The following RPA1 variants were observed in gnomAD, a reference collection of about 807,000 sequenced individuals.
The protein encoded by RPA1 is replication protein A1, also known as replication protein A 70 kDa DNA-binding subunit.
A neutral mutation model predicts 83.0 loss-of-function variants in RPA1; 49 were observed. The ratio of observed to expected loss-of-function variants is 0.59; its 90% CI spans 0.47 to 0.75. The LOEUF (loss-of-function observed/expected upper bound fraction) is 0.75. RPA1 is among the 30% of genes least tolerant of loss of function. RPA1 has a pLI of 0.00. For missense variants in RPA1, 693 were observed against 776.1 expected (o/e 0.89, Z 1.27); for synonymous variants, 279 against 281.8 (o/e 0.99, Z 0.10).
intron 12 of RPA1, among the ~76,000 whole-genome samples, chr17:1,881,508 A>G (rs1487717568): frequency 6.6e-6 from 1 of 152,188 alleles, no homozygotes; most frequent in Non-Finnish European, 1.5e-5. Context: ...TCACTGAGCC[A>G]TCCTCATGAG....
In RPA1 at chr17:1,840,313, T is replaced by C. The variant is rs143280366; in HGVS notation, c.34-2490T>C. Reference sequence around the variant, plus strand: ...CCTGGCTAATTTTTTTTGAGATGGATTCTTTCTGTGCTGCCCAGGTTGGAG... The same window carrying C: ...CCTGGCTAATTTTTTTTGAGATGGACTCTTTCTGTGCTGCCCAGGTTGGAG... On this transcript the variant is annotated intron_variant, in intron 1 of 16. Transcript: ENST00000254719. 6.0e-3 allele frequency among the ~76,000 whole-genome samples: 912 copies of C among 151,668 alleles called. 11 individuals are homozygous for C. The highest frequency in any genetic ancestry group is 0.021 in the African/African-American group (870 of 41,352).
rs567554798 is a variant in RPA1 at position 1,853,980 on chromosome 17, G to A, written c.361+791G>A. Among the ~76,000 whole-genome samples, 14 of 152,218 alleles carry A rather than the reference G, an allele frequency of 9.2e-5. 1 individual carries two copies. In the South Asian group the frequency reaches 2.3e-3, roughly 25 times the overall value. ...TTCTAGTGCCTAACTTGAGGCTGGC[G>A]TTTAGTAAGTATTTGTTGAAACAAG... On this transcript the variant is annotated intron_variant, in intron 5 of 16. Transcript: ENST00000254719.
chr17:1,845,268 C>A (rs1912215446), intron 4 of RPA1, among the ~76,000 whole-genome samples: 1 of 151,550 alleles, frequency 6.6e-6, no homozygotes, highest in Non-Finnish European at 1.5e-5. Context: ...TGTGGTGGCT[C>A]ATGCCTGTAA....
Position 1,884,038 on chromosome 17 carries a change from C to T in RPA1, c.1374+94C>T, listed in dbSNP as rs1434349417. 15 of 1,544,072 alleles carry T rather than the reference C, an allele frequency of 9.7e-6. No homozygotes were observed. Among genetic ancestry groups the T allele is most frequent in the East Asian group, 2.3e-5 (1 of 44,142 alleles). ...GGTTTCCAGCACCAGCTGTCAGAGC[C>T]GTAATTCTTACCCGGGGCTGTGACC... On this transcript the variant is annotated intron_variant, in intron 13 of 16. Coordinates refer to ENST00000254719, the MANE Select transcript of RPA1 (RefSeq NM_002945.5). This position sits in a 1 kb window ranked among gnomAD's most constrained non-coding sequence, Gnocchi z 4.1.
chr17:1,856,169 C>CA, intron 5 of RPA1, among the ~76,000 whole-genome samples: 1 of 151,982 alleles, frequency 6.6e-6, no homozygotes, highest in South Asian at 2.1e-4. Flanking sequence ...ACCAAAAATA[C>CA]AAAAAATTAG....
chr17:1,890,620 G>A (rs17292364), intron 14 of RPA1, among the ~76,000 whole-genome samples: 13 of 152,090 alleles, frequency 8.5e-5, no homozygotes, highest in Admixed American at 3.3e-4. Context: ...CCACGATCGC[G>A]CCACTGCATT....
intron 5 of RPA1, among the ~76,000 whole-genome samples, chr17:1,865,479 C>G (rs1260942067): frequency 6.6e-6 from 1 of 152,178 alleles, no homozygotes; most frequent in Non-Finnish European, 1.5e-5. Context: ...GATAATCAGA[C>G]ATCTGTTTTC....
chr17:1,879,091 C>T, intron 9 of RPA1, 30 bp downstream of exon 9: 1 of 1,613,538 alleles, frequency 6.2e-7, no homozygotes, highest in Non-Finnish European at 8.5e-7. Flanking sequence ...AGAACTGACA[C>T]CGCCTGGGGG....
In RPA1 at chr17:1,891,873, G is replaced by A. The variant is rs1397437015; in HGVS notation, c.1592G>A (p.Cys531Tyr). The A allele has an allele frequency of 6.2e-7, 1 of 1,606,900 alleles. No homozygotes were observed. Among genetic ancestry groups the A allele is most frequent in the Non-Finnish European group, 8.5e-7 (1 of 1,174,400 alleles). Residue 531 changes from cysteine (C) to tyrosine (Y), a missense_variant, in exon 15 of 17, where the codon TGT (cysteine) becomes TAT (tyrosine). Coordinates refer to ENST00000254719, the MANE Select transcript of RPA1 (RefSeq NM_002945.5). ...ADFQENQWVTCFQESAEAILG... is the reference protein window; with the variant it reads ...ADFQENQWVTYFQESAEAILG... ...TTTCAAGAGAATCAGTGGGTGACTT[G>A]TTTCCAGGAGTCTGCTGAAGCTATC...
Position 1,853,205 on chromosome 17 carries a change from G to A in RPA1, c.361+16G>A, listed in dbSNP as rs531208980. 29 of 1,591,106 alleles carry A rather than the reference G, an allele frequency of 1.8e-5. No individual in the cohort carries two copies. The highest frequency in any genetic ancestry group is 1.6e-4 in the African/African-American group (12 of 74,578). ...TATAATGAAGGTAAAATGCTTTGGC[G>A]TAGGTTGTAGCACTCAAATGAATAC... On this transcript the variant is annotated intron_variant, in intron 5 of 16. Coordinates refer to ENST00000254719, the MANE Select transcript of RPA1 (RefSeq NM_002945.5).
At chr17:1,843,601 T>TATTATTATTATTATTATA (rs1912140661) in intron 2 of RPA1, among the ~76,000 whole-genome samples, 1 of 88,286 alleles carries the variant, frequency 1.1e-5, no homozygotes, top group Non-Finnish European at 2.2e-5. Context: ...GGTGCTTCAT[T>TATTATTATTATTATTATA]ATTATTATTA....
intron 15 of RPA1, among the ~76,000 whole-genome samples, chr17:1,894,022 G>A (rs1597462984): frequency 7.4e-6 from 1 of 135,000 alleles, no homozygotes; most frequent in Admixed American, 8.0e-5. Flanking sequence ...CACCATACCT[G>A]GCTTAAGTTT....
intron 12 of RPA1, among the ~76,000 whole-genome samples, chr17:1,882,186 T>C (rs138655659): frequency 2.0e-5 from 3 of 152,310 alleles, no homozygotes; most frequent in Admixed American, 6.5e-5. Context: ...CCGAGCCACT[T>C]TCTCCTTGGC....
At chr17:1,869,405 G>C (rs1164929803) in intron 5 of RPA1, among the ~76,000 whole-genome samples, 1 of 152,118 alleles carries the variant, frequency 6.6e-6, no homozygotes, top group African/African-American at 2.4e-5. Context: ...GGGTGTGGTG[G>C]CCAGCGCCTG....
intron 1 of RPA1, 96 bp downstream of exon 1, chr17:1,830,222 G>A: frequency 3.0e-6 from 3 of 1,007,730 alleles, no homozygotes; most frequent in Non-Finnish European, 3.8e-6. Context: ...GGGCGACGGG[G>A]GATGAACGCG....
chr17:1,831,734 G>A (rs1200610934), intron 1 of RPA1, among the ~76,000 whole-genome samples: 5 of 150,818 alleles, frequency 3.3e-5, no homozygotes, highest in Non-Finnish European at 7.4e-5. Flanking sequence ...GAATAGCTGG[G>A]ACTACAGGTA....
chr17:1,884,984 T>A lies in RPA1; in HGVS notation c.1374+1040T>A, dbSNP rs911798983. The stretch of plus-strand genomic sequence containing the variant: ...GCGTGTCTTTGGCAGTTTCTTAAAA[T>A]AAGACAGCAGTGAAGTGTGCCACAT... On this transcript the variant is annotated intron_variant, in intron 13 of 16. Coordinates refer to ENST00000254719, the MANE Select transcript of RPA1 (RefSeq NM_002945.5). The surrounding 1 kb of genome is among the most constrained non-coding windows in gnomAD (Gnocchi z 4.1). Among the ~76,000 whole-genome samples, 4 of 152,212 alleles carry A rather than the reference T, an allele frequency of 2.6e-5. No homozygotes were observed. The highest frequency in any genetic ancestry group is 7.2e-5 in the African/African-American group (3 of 41,446).
intron 1 of RPA1, among the ~76,000 whole-genome samples, chr17:1,839,756 C>T (rs1911970663): frequency 6.6e-6 from 1 of 150,872 alleles, no homozygotes; most frequent in South Asian, 2.1e-4. Flanking sequence ...CCTCCTCACC[C>T]TCTGAGTAGC....
At chr17:1,849,880 A>G (rs1306895907) in intron 4 of RPA1, among the ~76,000 whole-genome samples, 16 of 152,176 alleles carry the variant, frequency 1.1e-4, no homozygotes, top group Non-Finnish European at 7.4e-5. Flanking sequence ...CTATTTTAAT[A>G]GATTATCTAG....
Sources: gnomAD v4.1 joint callset for allele counts (sites outside exome capture counted in the v4.1 genomes callset) on GRCh38, gnomAD v4.1.1 for gene constraint, Gnocchi (gnomAD v3.1) non-coding constraint, MANE v1.5 for transcripts, NCBI Gene and HGNC (gene_info 2026-07-23, HGNC 2026-07-21) for gene names.